The following CD226 variants were observed in gnomAD, a reference collection of about 807,000 sequenced individuals.
CD226 encodes CD226 molecule, also known as CD226 antigen.
Under a neutral mutation model 34.9 loss-of-function variants are expected in CD226, and 24 were observed. The observed-to-expected ratio is 0.69, with a 90% CI of 0.50 to 0.97. The LOEUF is 0.97. Ranked by LOEUF, CD226 falls within the 50% of genes least tolerant of loss-of-function variation. CD226 has a pLI of 0.00. For synonymous variants in CD226, 148 were observed against 147.4 expected, an observed-to-expected ratio of 1.00 and a Z score of -0.03; for missense variants, 397 against 412.7, an observed-to-expected ratio of 0.96 and a Z score of 0.33.
Position 69,942,174 on chromosome 18 carries a change from A to C in CD226, c.382+4560T>G, listed in dbSNP as rs1055797883. Among the ~76,000 whole-genome samples, 3 of 152,212 alleles carry C rather than the reference A, an allele frequency of 2.0e-5. No homozygotes were observed. In the East Asian group the frequency reaches 5.8e-4, roughly 29 times the overall value. ...TTCCCTTATAAATTACCCAGTCTTA[A>C]GTATTTCTTCACAGCAGTGTGAGAA... On this transcript the variant is annotated intron_variant, in intron 2 of 5. Transcript: ENST00000582621.
chr18:69,896,106 A>G, intron 2 of CD226, 61 bp from the exon 3 acceptor site: 2 of 1,541,526 alleles, frequency 1.3e-6, no homozygotes, highest in South Asian at 2.4e-5. Flanking sequence ...CCCAACTGGA[A>G]GATACTTAAT....
At chr18:69,864,479 C>A in intron 5 of CD226, 40 bp from the exon 6 acceptor site, 1 of 1,599,172 alleles carries the variant, frequency 6.3e-7, no homozygotes, top group Non-Finnish European at 8.5e-7. Flanking sequence ...TAATTCACTG[C>A]ATTTCAACAA....
At chr18:69,909,891 T>G (rs778148242) in intron 2 of CD226, among the ~76,000 whole-genome samples, 1 of 152,200 alleles carries the variant, frequency 6.6e-6, no homozygotes, top group African/African-American at 2.4e-5. Context: ...AGAATCTAAA[T>G]GTCCAGAAAC....
At chr18:69,867,808 T>A (rs1364123157) in intron 4 of CD226, among the ~76,000 whole-genome samples, 1 of 150,614 alleles carries the variant, frequency 6.6e-6, no homozygotes, top group Admixed American at 6.6e-5. Context: ...GACAATATAA[T>A]GAAGCTTTAT....
chr18:69,958,589 C>T (rs1158480791), upstream of CD226, among the ~76,000 whole-genome samples: 5 of 152,094 alleles, frequency 3.3e-5, no homozygotes, highest in African/African-American at 7.2e-5. Flanking sequence ...AAACAGTCAC[C>T]GTCTACCCAC....
chr18:69,872,436 T>C (rs77476861), intron 4 of CD226, among the ~76,000 whole-genome samples: 12,043 of 152,104 alleles, frequency 0.079, 490 homozygotes, highest in Middle Eastern at 0.11. Flanking sequence ...TTTTTGTTAT[T>C]GACAGGGTCT....
At chr18:69,947,317 A>G in intron 1 of CD226, 44 bp downstream of exon 1, 1 of 1,328,932 alleles carries the variant, frequency 7.5e-7, no homozygotes, top group Non-Finnish European at 1.1e-6. Context: ...ACAAACAAAA[A>G]CAGGAGCAAA....
intron 2 of CD226, among the ~76,000 whole-genome samples, chr18:69,934,434 A>T (rs1436629840): frequency 6.6e-6 from 1 of 152,190 alleles, no homozygotes. Context: ...TAAAATGAGA[A>T]TGTTAAGTTT....
chr18:69,960,365 T>C (rs1405624301), upstream of CD226, among the ~76,000 whole-genome samples: 1 of 152,156 alleles, frequency 6.6e-6, no homozygotes, highest in African/African-American at 2.4e-5. Flanking sequence ...CAGGAGCTAC[T>C]GCAGAACAAA....
At position 69,946,911 on chromosome 18, in the gene CD226, T is replaced by C; in HGVS notation, c.205A>G (p.Met69Val). The C allele has an allele frequency of 1.9e-6, 3 of 1,614,200 alleles. No homozygotes were observed. Among genetic ancestry groups the C allele is most frequent in the South Asian group, 1.1e-5 (1 of 91,086 alleles). Reference protein sequence around the residue: ...SIAIFSPTHGMVIRKPYAERV... With the variant: ...SIAIFSPTHGVVIRKPYAERV... ...TCAGCATAGGGCTTCCTTATGACCA[T>C]GCCATGAGTAGGGCTGAAAATGGCT... The change falls in exon 2 of 6, where the codon ATG becomes GTG. Residue 69 changes from methionine to valine, a missense_variant. Physicochemically the swap from Met to Val is conservative, Grantham distance 21 (BLOSUM62 1). Coordinates refer to ENST00000582621, the MANE Select transcript of CD226 (RefSeq NM_001303618.2).
intron 2 of CD226, among the ~76,000 whole-genome samples, chr18:69,920,540 T>C (rs1394157566): frequency 6.6e-6 from 1 of 152,230 alleles, no homozygotes; most frequent in African/African-American, 2.4e-5. Flanking sequence ...TTTTTCTTTA[T>C]ACCCAGTAGT....
At position 69,866,780 on chromosome 18, in the gene CD226, G is replaced by A. The variant is rs77158003; in HGVS notation, c.885+577C>T. Among the ~76,000 whole-genome samples, 601 of 152,264 alleles carry A rather than the reference G, an allele frequency of 3.9e-3. 7 individuals are homozygous for A. The highest frequency in any genetic ancestry group is 0.014 in the African/African-American group (575 of 41,540). On this transcript the variant is annotated intron_variant, in intron 5 of 5. Transcript: ENST00000582621. ...TCAAACAACGCTGTGCTGGAGAGGG[G>A]TGGGCCTTTAAGTCCAAGATAACTG...
intron 3 of CD226, among the ~76,000 whole-genome samples, chr18:69,875,585 A>C (rs1279118415): frequency 6.6e-6 from 1 of 152,172 alleles, no homozygotes; most frequent in African/African-American, 2.4e-5. Context: ...AGCCATTCTA[A>C]TAGGTGTGAG....
intron 2 of CD226, among the ~76,000 whole-genome samples, chr18:69,909,651 A>T (rs1237875553): frequency 1.3e-5 from 2 of 152,254 alleles, no homozygotes; most frequent in African/African-American, 2.4e-5. Flanking sequence ...TAGCCCAGAA[A>T]AAACTAACAG....
intron 2 of CD226, among the ~76,000 whole-genome samples, chr18:69,921,967 A>G (rs568205299): frequency 1.3e-5 from 2 of 152,294 alleles, no homozygotes; most frequent in Non-Finnish European, 2.9e-5. Context: ...CACTTGAGGA[A>G]GTACCAAGAA....
At position 69,863,363 on chromosome 18, in the gene CD226, T is replaced by C. The variant is rs910995958; in HGVS notation, c.*951A>G. 3 of 152,138 alleles carry C rather than the reference T, an allele frequency of 2.0e-5. No individual in the cohort carries two copies. The highest frequency in any genetic ancestry group is 4.4e-5 in the Non-Finnish European group (3 of 68,022). 9.4% of individuals were successfully genotyped at this position (152,138 alleles called of 1,614,324 possible). A position where few individuals can be genotyped will look rare whatever the true frequency, so the allele number is the denominator to read the frequency against. On this transcript the variant is annotated 3_prime_UTR_variant, in exon 6 of 6. Coordinates refer to ENST00000582621, the MANE Select transcript of CD226 (RefSeq NM_001303618.2). ...GACAAAATATGTCCAAAACATTAAG[T>C]TATTTATTATTCGACTATCTACTAC...
chr18:69,890,614 C>T (rs530813982), intron 3 of CD226, among the ~76,000 whole-genome samples: 12 of 152,140 alleles, frequency 7.9e-5, no homozygotes, highest in East Asian at 1.9e-4. Context: ...GACATTGAGA[C>T]GGCTGAAACT....
chr18:69,877,051 A>G (rs1454915489), intron 3 of CD226, among the ~76,000 whole-genome samples: 1 of 151,782 alleles, frequency 6.6e-6, no homozygotes, highest in Non-Finnish European at 1.5e-5. Context: ...TTTAGTAGAG[A>G]CGGGGTTTCA....
chr18:69,957,415 C>T (rs1285101115), upstream of CD226, among the ~76,000 whole-genome samples: 8 of 151,794 alleles, frequency 5.3e-5, no homozygotes, highest in East Asian at 1.9e-4. Flanking sequence ...TTCCTGAGAA[C>T]GAACCCTGCA....
Sources: allele counts gnomAD v4.1 joint callset (sites outside exome capture counted in the v4.1 genomes callset), GRCh38; gene constraint gnomAD v4.1.1; transcripts MANE v1.5; gene names NCBI Gene and HGNC (gene_info 2026-07-23, HGNC 2026-07-21).